The following OTOG variants were observed in gnomAD, a reference collection of about 807,000 sequenced individuals.
OTOG encodes the protein otogelin.
Under a neutral mutation model 313.8 loss-of-function variants are expected in OTOG, and 296 were observed. That is an observed-to-expected ratio of 0.94 (90% CI 0.86 to 1.04). The LOEUF is 1.04. Among genes scored for constraint, OTOG ranks in the 50% least tolerant of loss-of-function variants. The pLI is 0.00. For missense variants in OTOG, 3,948 were observed against 3,840.1 expected (o/e 1.03, Z -0.74); for synonymous variants, 1,533 against 1,554.9 (o/e 0.99, Z 0.33).
In OTOG at chr11:17,603,071, G is replaced by A. The variant is rs147730830; in HGVS notation, c.3877+694G>A. Among the ~76,000 whole-genome samples, 587 of 152,316 alleles carry A rather than the reference G, an allele frequency of 3.9e-3. 3 individuals are homozygous for A. Among genetic ancestry groups the A allele is most frequent in the Middle Eastern group, 0.017 (5 of 294 alleles). On this transcript the variant is annotated intron_variant, in intron 32 of 55. Transcript: ENST00000399397. ...TATCCTGAGGGCAATGGGGAGCCAT[G>A]GAAGGGCTTTGTGGAGGGGAAGGGA...
Position 17,547,408 on chromosome 11 carries a change from TTG to T in OTOG, c.40_41del (p.Val14LeufsTer6). 7.0e-7 allele frequency: 1 copy of T among 1,421,458 alleles called. No individual in the cohort carries two copies. Among genetic ancestry groups the T allele is most frequent in the Non-Finnish European group, 9.2e-7 (1 of 1,092,764 alleles). The allele number at this position is 1,421,458 out of a possible 1,614,324, so 88.1% of individuals were successfully genotyped here. A position where few individuals can be genotyped will look rare whatever the true frequency, so the allele number is the denominator to read the frequency against. On this transcript the variant is annotated frameshift_variant, in exon 1 of 56. Coordinates refer to ENST00000399397, the MANE Select transcript of OTOG (RefSeq NM_001292063.2). LOFTEE classifies it high-confidence loss of function. ...TGGCGTCTGCGCTCTGCTGGCTGCT[TTG>T]TGTCTGGCTGCCCTGGGGTGAGCAG... ...VLASALCWLL[C>X]VWLPWGEQAA...
intron 16 of OTOG, 69 bp from the exon 17 acceptor site, chr11:17,570,144 A>G: frequency 1.4e-6 from 2 of 1,383,848 alleles, no homozygotes; most frequent in Non-Finnish European, 2.0e-6. Flanking sequence ...CGGGCCAGGC[A>G]GGTGGTGGTG....
rs140741375 is a variant in OTOG at position 17,623,547 on chromosome 11, T to C, written c.6529-5586T>C. 8.5e-5 allele frequency among the ~76,000 whole-genome samples: 13 copies of C among 152,324 alleles called. No individual in the cohort carries two copies. The East Asian group carries it at 1.9e-3, about 23-fold the overall frequency. On this transcript the variant is annotated intron_variant, in intron 39 of 55. Transcript: ENST00000399397. ...TACATTTTCTTTATCCAGTCTACCA[T>C]TGATGGACATTTAGGTTGATTCCAT...
At chr11:17,596,286 C>A in intron 29 of OTOG, 132 bp downstream of exon 29, 1 of 697,078 alleles carries the variant, frequency 1.4e-6, no homozygotes, top group Non-Finnish European at 2.5e-6. Flanking sequence ...TCTGCCATTC[C>A]CCTGCCTCCA....
chr11:17,611,041 C>A lies in OTOG; in HGVS notation c.5741C>A (p.Ser1914Tyr). The A allele has an allele frequency of 1.9e-6, 3 of 1,550,604 alleles. No individual in the cohort carries two copies. Among genetic ancestry groups the A allele is most frequent in the Non-Finnish European group, 2.6e-6 (3 of 1,147,018 alleles). The change falls in exon 36 of 56, where the codon TCC (serine) becomes TAC (tyrosine). Residue 1914 changes from serine to tyrosine, a missense_variant. Coordinates refer to ENST00000399397, the MANE Select transcript of OTOG (RefSeq NM_001292063.2). ...ACCACAGGGAAGGTGGCCATCCTAT[C>A]CAAGCAAGTGTCTCTGCCCACTTCC... ...KSTTGKVAIL[S>Y]KQVSLPTSMY...
At chr11:17,574,583 C>T in intron 19 of OTOG, 137 bp from the exon 20 acceptor site, 1 of 875,250 alleles carries the variant, frequency 1.1e-6, no homozygotes, top group Non-Finnish European at 1.7e-6. Flanking sequence ...TGCCTCTGAC[C>T]TTGACCTGCT....
At chr11:17,548,888 T>C (rs1859822) in intron 3 of OTOG, among the ~76,000 whole-genome samples, 15,786 of 152,094 alleles carry the variant, frequency 0.1, 977 homozygotes, top group South Asian at 0.28. Flanking sequence ...TGGTTGAATT[T>C]CAATTTTTTT....
chr11:17,613,577 G>C, intron 38 of OTOG, 35 bp from the exon 39 acceptor site: 2 of 1,522,684 alleles, frequency 1.3e-6, no homozygotes, highest in Non-Finnish European at 1.8e-6. Flanking sequence ...AGAGGACAGG[G>C]CTCCAAGTTG....
At chr11:17,563,341 C>T (rs1590001838) in intron 15 of OTOG, among the ~76,000 whole-genome samples, 1 of 152,356 alleles carries the variant, frequency 6.6e-6, no homozygotes, top group South Asian at 2.1e-4. Flanking sequence ...GGCCTTGCTC[C>T]AGCCCCCAGC....
At position 17,638,582 on chromosome 11, in the gene OTOG, G is replaced by A. The variant is rs55858137; in HGVS notation, c.7894+33G>A. 59,613 of 1,540,774 alleles carry A rather than the reference G, an allele frequency of 0.039. 1,358 individuals carry two copies. The highest frequency in any genetic ancestry group is 0.082 in the South Asian group (6,836 of 83,736). ...CGTGGTCAGGACAGCCTCCCCGCTG[G>A]GAGATCCAGTGGCCCTGCTGAGGAG... On this transcript the variant is annotated intron_variant, in intron 48 of 55. Transcript: ENST00000399397.
At chr11:17,596,744 C>T in intron 29 of OTOG, 107 bp from the exon 30 acceptor site, 1 of 958,948 alleles carries the variant, frequency 1.0e-6, no homozygotes. Flanking sequence ...GATAGCTCAC[C>T]CTATCCCGTG....
In OTOG at chr11:17,642,177, G is replaced by C. The variant is rs555007399; in HGVS notation, c.8346G>C (p.Thr2782=). 6.5e-7 allele frequency: 1 copy of C among 1,550,132 alleles called. No individual in the cohort carries two copies. The highest frequency in any genetic ancestry group is 8.7e-7 in the Non-Finnish European group (1 of 1,146,708). Residue 2782 remains threonine, a synonymous_variant, in exon 53 of 56, where the codon ACG becomes ACC. Coordinates refer to ENST00000399397, the MANE Select transcript of OTOG (RefSeq NM_001292063.2). Reference sequence around the variant, plus strand: ...GCGCCCGCCACCACTGCAGCAGCACGCCCCTGGGTGCCGTGCTGGTCCGCT... The same window carrying C: ...GCGCCCGCCACCACTGCAGCAGCACCCCCCTGGGTGCCGTGCTGGTCCGCT... ...ADCARHHCSS[T]PLGAVLVRSP... is the part of the protein sequence containing the mutation.
At chr11:17,593,967 C>T in intron 27 of OTOG, 80 bp from the exon 28 acceptor site, 1 of 1,525,898 alleles carries the variant, frequency 6.6e-7, no homozygotes, top group Non-Finnish European at 8.9e-7. Context: ...TGATAGACTC[C>T]TGGGCTCATG....
At chr11:17,562,104 A>G (rs1852202896) in intron 15 of OTOG, among the ~76,000 whole-genome samples, 1 of 148,030 alleles carries the variant, frequency 6.8e-6, no homozygotes, top group Non-Finnish European at 1.5e-5. Flanking sequence ...ACTGGCACCT[A>G]CTTTTAAATC....
Position 17,547,422 on chromosome 11 carries a change from C to T in OTOG, c.50C>T (p.Pro17Leu). 2 of 1,411,826 alleles carry T rather than the reference C, an allele frequency of 1.4e-6. No individual in the cohort carries two copies. The highest frequency in any genetic ancestry group is 2.9e-5 in the East Asian group (1 of 34,270). 87.5% of individuals were successfully genotyped at this position (1,411,826 alleles called of 1,614,324 possible). The change falls in exon 1 of 56, where the codon CCC (proline) becomes CTC (leucine). Residue 17 changes from proline to leucine, a missense_variant. Transcript: ENST00000399397. Reference protein sequence around the residue: ...ALCWLLCVWLPWGEQAAESLR... With the variant: ...ALCWLLCVWLLWGEQAAESLR... ...TGCTGGCTGCTTTGTGTCTGGCTGCCCTGGGGTGAGCAGGCAGCCGAGTCC... is the reference window on the plus strand; with the variant it reads ...TGCTGGCTGCTTTGTGTCTGGCTGCTCTGGGGTGAGCAGGCAGCCGAGTCC...
intron 28 of OTOG, 84 bp downstream of exon 28, chr11:17,594,250 A>G: frequency 6.6e-7 from 1 of 1,507,338 alleles, no homozygotes; most frequent in East Asian, 2.5e-5. Flanking sequence ...GTCAGGGAAG[A>G]GGGATGCTGG....
intron 22 of OTOG, 35 bp downstream of exon 22, chr11:17,576,946 G>A: frequency 6.5e-7 from 1 of 1,543,730 alleles, no homozygotes; most frequent in Middle Eastern, 1.7e-4. Context: ...CCCTTCTGGG[G>A]GCTCCACATG....
At position 17,559,909 on chromosome 11, in the gene OTOG, G is replaced by GGAGGAAGAA. The variant is rs1565092329; in HGVS notation, c.1342+247_1342+248insGAGGAAGAA. On this transcript the variant is annotated intron_variant, in intron 12 of 55. Coordinates refer to ENST00000399397, the MANE Select transcript of OTOG (RefSeq NM_001292063.2). ...GGGAGAGAGGGAGGGAGGGAGGAAG[G>GGAGGAAGAA]AAGGAAAGAAGGAAGGGAGGGAAGG... 5.3e-4 allele frequency among the ~76,000 whole-genome samples: 79 copies of GGAGGAAGAA among 148,820 alleles called. 1 individual carries two copies. Among genetic ancestry groups the GGAGGAAGAA allele is most frequent in the Admixed American group, 4.3e-3 (65 of 15,076 alleles).
At chr11:17,591,318 G>C (rs1265649175) in intron 24 of OTOG, 132 bp from the exon 25 acceptor site, 7 of 1,242,554 alleles carry the variant, frequency 5.6e-6, no homozygotes, top group Non-Finnish European at 7.7e-6. Flanking sequence ...GCTCCTGTTA[G>C]AGGTTGGTGT....
Sources: gnomAD v4.1 joint callset for allele counts (sites outside exome capture counted in the v4.1 genomes callset) on GRCh38, gnomAD v4.1.1 for gene constraint, MANE v1.5 for transcripts, NCBI Gene and HGNC (gene_info 2026-07-23, HGNC 2026-07-21) for gene names.